PRR5: variants seen among roughly 807,000 people sequenced by gnomAD.
The protein encoded by PRR5 is proline rich 5.
PRR5 carries 25 observed loss-of-function variants against 30.6 expected under a neutral mutation model. The ratio of observed to expected loss-of-function variants is 0.82; its 90% confidence interval spans 0.60 to 1.14. The LOEUF (loss-of-function observed/expected upper bound fraction) is 1.14. Ranked by LOEUF, PRR5 falls within the 50% of genes most tolerant of loss-of-function variation. PRR5 has a pLI of 0.00. For missense variants in PRR5, 600 were observed against 547.1 expected (o/e 1.10, Z -0.96); for synonymous variants, 286 against 247.1 (o/e 1.16, Z -1.48).
intron 7 of PRR5, 105 bp downstream of exon 7, chr22:44,735,267 C>G: frequency 7.2e-7 from 1 of 1,382,804 alleles, no homozygotes; most frequent in South Asian, 1.4e-5. Context: ...CAGGATCTGA[C>G]TCCAGACTGG....
intron 1 of PRR5, among the ~76,000 whole-genome samples, chr22:44,693,616 CTTT>C (rs1228023916): frequency 6.6e-5 from 6 of 90,572 alleles, no homozygotes; most frequent in African/African-American, 2.0e-4. Context: ...TTCACATGGA[CTTT>C]TTTTTTTTTT....
chr22:44,702,375 C>G lies in PRR5; in HGVS notation c.-100C>G. 1 of 1,197,108 alleles carries G rather than the reference C, an allele frequency of 8.4e-7. No homozygotes were observed. 74.2% of individuals were successfully genotyped at this position (1,197,108 alleles called of 1,614,324 possible). The stretch of plus-strand genomic sequence containing the variant: ...GGCTTCCTGCTCTCGCCGGAGTTTC[C>G]GCGTAGAGGGCGCATCGCCGGCCCG... On this transcript the variant is annotated 5_prime_UTR_variant, in exon 1 of 8. Coordinates refer to ENST00000336985, the MANE Select transcript of PRR5 (RefSeq NM_181333.4).
intron 1 of PRR5, chr22:44,679,730 A>G (rs1924089383): frequency 5.5e-6 from 7 of 1,284,178 alleles, no homozygotes; most frequent in South Asian, 1.3e-5. Flanking sequence ...TAACAATAAT[A>G]GTAAGACTCA....
intron 1 of PRR5, among the ~76,000 whole-genome samples, chr22:44,688,786 G>A (rs1019932012): frequency 7.9e-5 from 12 of 151,980 alleles, no homozygotes; most frequent in South Asian, 2.1e-4. Context: ...TCAGGAGTTC[G>A]AGACCAGCCT....
intron 6 of PRR5, 90 bp from the exon 7 acceptor site, chr22:44,734,937 G>A: frequency 6.9e-7 from 1 of 1,459,284 alleles, no homozygotes; most frequent in Non-Finnish European, 9.4e-7. Context: ...CAGAGGACAG[G>A]CTGTCTGGTG....
chr22:44,697,858 T>C (rs1188505080), upstream of PRR5, among the ~76,000 whole-genome samples: 1 of 151,926 alleles, frequency 6.6e-6, no homozygotes, highest in Non-Finnish European at 1.5e-5. Context: ...TGGGGACGAG[T>C]CGGGGCAGTG....
intron 6 of PRR5, among the ~76,000 whole-genome samples, chr22:44,733,196 C>T (rs73418223): frequency 0.12 from 17,637 of 152,256 alleles, 2,279 homozygotes; most frequent in African/African-American, 0.32. Flanking sequence ...GAGTGGGGCC[C>T]CCAGTGGCAT....
chr22:44,736,111 C>T (rs894115993), intron 7 of PRR5, among the ~76,000 whole-genome samples: 1 of 152,222 alleles, frequency 6.6e-6, no homozygotes, highest in Admixed American at 6.5e-5. Flanking sequence ...TGTGCCACTG[C>T]CTCCCGCCCA....
upstream of PRR5, among the ~76,000 whole-genome samples, chr22:44,700,501 T>A (rs1194413091): frequency 1.3e-5 from 2 of 151,330 alleles, no homozygotes; most frequent in African/African-American, 4.9e-5. Flanking sequence ...GGCACATGCC[T>A]TGTAGTCCCA....
At chr22:44,673,983 C>T (rs113856112), upstream of PRR5, among the ~76,000 whole-genome samples, 26 of 152,226 alleles carry the variant, frequency 1.7e-4, no homozygotes, top group African/African-American at 5.3e-4. Context: ...AAACCAACAT[C>T]GCCATATTGG....
chr22:44,737,327 CTT>C lies in PRR5; in HGVS notation c.*85_*86del. On this transcript the variant is annotated 3_prime_UTR_variant, in exon 8 of 8. Coordinates refer to ENST00000336985, the MANE Select transcript of PRR5 (RefSeq NM_181333.4). ...CCATGTGGCGTGTGTGTGAGTGAGA[CTT>C]TTTTACTGCGTCCCGTCCCGCCAGC... 1.3e-6 allele frequency: 2 copies of C among 1,507,370 alleles called. No homozygotes were observed. The highest frequency in any genetic ancestry group is 1.8e-6 in the Non-Finnish European group (2 of 1,128,342). 93.4% of individuals were successfully genotyped at this position (1,507,370 alleles called of 1,614,324 possible).
At chr22:44,732,187 G>A (rs551780571) in intron 5 of PRR5, 64 bp from the exon 6 acceptor site, 33 of 1,585,682 alleles carry the variant, frequency 2.1e-5, no homozygotes, top group African/African-American at 9.4e-5. Context: ...TCCCAGGACC[G>A]GGAGAGGGGA....
intron 1 of PRR5, among the ~76,000 whole-genome samples, chr22:44,710,382 G>A (rs1233555762): frequency 3.9e-5 from 6 of 152,174 alleles, no homozygotes; most frequent in Admixed American, 3.9e-4. Context: ...CCCTGGGAGG[G>A]CACTGCCTGC....
At chr22:44,708,372 G>T (rs565673272) in intron 1 of PRR5, among the ~76,000 whole-genome samples, 1 of 152,266 alleles carries the variant, frequency 6.6e-6, no homozygotes, top group African/African-American at 2.4e-5. Context: ...GGCTAGGTGG[G>T]TGTTGGTGGC....
At chr22:44,701,083 T>C (rs1301555567), upstream of PRR5, among the ~76,000 whole-genome samples, 3 of 152,200 alleles carry the variant, frequency 2.0e-5, no homozygotes, top group Non-Finnish European at 2.9e-5. Flanking sequence ...GGTTTCTCCA[T>C]GTTGGCCGGG....
In PRR5 at chr22:44,669,640, G is replaced by A. The variant is rs117435226; in HGVS notation, c.-11+835G>A. Among the ~76,000 whole-genome samples, 632 of 152,360 alleles carry A rather than the reference G, an allele frequency of 4.1e-3. 2 individuals are homozygous for A. Among genetic ancestry groups the A allele is most frequent in the Middle Eastern group, 0.024 (7 of 294 alleles). On this transcript the variant is annotated intron_variant, in intron 1 of 8. Transcript: ENST00000432186. Reference sequence around the variant, plus strand: ...TAAGATTTTTTCCACCAGAGCCAAGGTAGAAGGCTGGGGGAGGGTCCCATG... The same window carrying A: ...TAAGATTTTTTCCACCAGAGCCAAGATAGAAGGCTGGGGGAGGGTCCCATG...
intron 1 of PRR5, among the ~76,000 whole-genome samples, chr22:44,711,297 G>A (rs928395500): frequency 2.0e-5 from 3 of 152,182 alleles, no homozygotes; most frequent in South Asian, 2.1e-4. Context: ...ACACAGCTGC[G>A]AGGGAGGGCA....
chr22:44,675,762 G>GTTATTATTATTATTA (rs150864660), upstream of PRR5, among the ~76,000 whole-genome samples: 694 of 142,956 alleles, frequency 4.9e-3, 5 homozygotes, highest in Middle Eastern at 0.015. Flanking sequence ...TGTTGCTGTT[G>GTTATTATTATTATTA]TTATTATTAT....
chr22:44,670,915 G>A (rs774843186), intron 1 of PRR5, among the ~76,000 whole-genome samples: 20 of 152,194 alleles, frequency 1.3e-4, no homozygotes, highest in Admixed American at 7.9e-4. Flanking sequence ...GAACAAAACC[G>A]TCTTCTGGGA....
Sources: allele counts gnomAD v4.1 joint callset (sites outside exome capture counted in the v4.1 genomes callset), GRCh38; gene constraint gnomAD v4.1.1; transcripts MANE v1.5; gene names NCBI Gene and HGNC (gene_info 2026-07-23, HGNC 2026-07-21).